Variants in FAM184A observed in about 807,000 individuals in gnomAD.
The protein encoded by FAM184A is family with sequence similarity 184 member A.
In FAM184A, 99 loss-of-function variants were observed where a neutral mutation model predicts 143.8. The ratio of observed to expected loss-of-function variants is 0.69; its 90% CI spans 0.58 to 0.81. The LOEUF (loss-of-function observed/expected upper bound fraction) is 0.81. FAM184A is among the 40% of genes least tolerant of loss of function. The probability of loss-of-function intolerance (pLI) is 0.00; values close to 1 mark genes in which losing one functional copy is unlikely to be tolerated. For synonymous variants in FAM184A, 427 were observed against 446.4 expected, an observed-to-expected ratio of 0.96 and a Z score of 0.55; for missense variants, 1,217 against 1,310.5, an observed-to-expected ratio of 0.93 and a Z score of 1.10.
upstream of FAM184A, among the ~76,000 whole-genome samples, chr6:119,081,020 G>A (rs1400122751): frequency 6.6e-6 from 1 of 152,098 alleles, no homozygotes; most frequent in East Asian, 1.9e-4. Context: ...AAGAGAGCGG[G>A]GAGGTGCTAC....
chr6:119,023,321 C>T (rs551283400), intron 2 of FAM184A, among the ~76,000 whole-genome samples: 1 of 152,200 alleles, frequency 6.6e-6, no homozygotes, highest in South Asian at 2.1e-4. Context: ...AAAAACATGG[C>T]TATGAAATTT....
rs924401742 is a variant in FAM184A at position 119,089,135 on chromosome 6, C to T, written c.-202+59943G>A. ...TGGGCTCAAGCAATCTTCCCACCCTCGGCCTCCCAAATAGCTAACACCTAT... is the reference window on the plus strand; with the variant it reads ...TGGGCTCAAGCAATCTTCCCACCCTTGGCCTCCCAAATAGCTAACACCTAT... On this transcript the variant is annotated intron_variant, in intron 1 of 16. Coordinates refer to the FAM184A transcript ENST00000352896. 1.3e-4 allele frequency among the ~76,000 whole-genome samples: 20 copies of T among 151,138 alleles called. No homozygotes were observed. The South Asian group carries it at 3.2e-3, about 24-fold the overall frequency.
intron 14 of FAM184A, among the ~76,000 whole-genome samples, chr6:118,973,061 G>C (rs1322416884): frequency 6.6e-6 from 1 of 152,096 alleles, no homozygotes; most frequent in African/African-American, 2.4e-5. Flanking sequence ...TTCAAAAAGT[G>C]GTAAATATGA....
intron 5 of FAM184A, 55 bp from the exon 6 acceptor site, chr6:119,011,486 G>C: frequency 9.2e-7 from 1 of 1,085,744 alleles, no homozygotes; most frequent in Non-Finnish European, 1.3e-6. Flanking sequence ...TATATACTTT[G>C]AAGACTCTAA....
chr6:119,133,182 A>G (rs1365368273), intron 1 of FAM184A, among the ~76,000 whole-genome samples: 1 of 152,186 alleles, frequency 6.6e-6, no homozygotes, highest in East Asian at 1.9e-4. Context: ...AGCTTGACAA[A>G]GTGTTTGGTG....
intron 1 of FAM184A, among the ~76,000 whole-genome samples, chr6:119,088,791 C>T (rs1452346327): frequency 6.6e-6 from 1 of 152,134 alleles, no homozygotes; most frequent in Admixed American, 6.5e-5. Context: ...CCAATGGAAT[C>T]AATAATCATA....
intron 1 of FAM184A, among the ~76,000 whole-genome samples, chr6:119,112,419 C>T (rs1259160682): frequency 1.6e-4 from 24 of 152,208 alleles, no homozygotes; most frequent in Admixed American, 1.4e-3. Flanking sequence ...AGAGCCACCA[C>T]GCCTAGCCTT....
intron 1 of FAM184A, among the ~76,000 whole-genome samples, chr6:119,147,427 A>G (rs759931914): frequency 9.9e-5 from 15 of 152,142 alleles, no homozygotes; most frequent in Non-Finnish European, 2.2e-4. Flanking sequence ...TGCTGACATA[A>G]GATGAGGGCT....
chr6:119,130,467 A>G (rs1224854034), intron 1 of FAM184A, among the ~76,000 whole-genome samples: 2 of 152,332 alleles, frequency 1.3e-5, no homozygotes, highest in East Asian at 3.9e-4. Flanking sequence ...TACAGGGAGA[A>G]GAGAGGCCAT....
chr6:119,088,438 C>T (rs1055628488), intron 1 of FAM184A, among the ~76,000 whole-genome samples: 5 of 152,018 alleles, frequency 3.3e-5, no homozygotes, highest in African/African-American at 4.8e-5. Flanking sequence ...CTAAAGAGGA[C>T]GTCTAAATAT....
Position 119,011,389 on chromosome 6 carries a change from C to G in FAM184A, c.1573G>C (p.Glu525Gln), listed in dbSNP as rs759888767. The G allele has an allele frequency of 6.3e-7, 1 of 1,576,138 alleles. No individual in the cohort carries two copies. The highest frequency in any genetic ancestry group is 8.6e-7 in the Non-Finnish European group (1 of 1,157,900). The change falls in exon 6 of 18, where the codon GAG (glutamate) becomes CAG (glutamine). Residue 525 changes from glutamate to glutamine, a missense_variant. Physicochemically the swap from Glu to Gln is conservative, Grantham distance 29. Transcript: ENST00000338891. Reference protein sequence around the residue: ...QHNKDKLNLEEDKNQLQQELE... With the variant: ...QHNKDKLNLEQDKNQLQQELE... ...TCTTGTTGAAGCTGATTTTTATCCT[C>G]TTCCAGGTTTAGTTTATCTTTGTTA...
chr6:119,016,110 T>C (rs534275224), intron 5 of FAM184A, among the ~76,000 whole-genome samples: 1 of 152,282 alleles, frequency 6.6e-6, no homozygotes, highest in East Asian at 1.9e-4. Flanking sequence ...TGAAACTCTG[T>C]AACTAACTAA....
At chr6:119,013,651 T>G (rs1785157168) in intron 5 of FAM184A, among the ~76,000 whole-genome samples, 1 of 152,204 alleles carries the variant, frequency 6.6e-6, no homozygotes, top group South Asian at 2.1e-4. Flanking sequence ...AGAAATAACA[T>G]GTCATTAATT....
intron 1 of FAM184A, among the ~76,000 whole-genome samples, chr6:119,121,408 A>T (rs1305048681): frequency 6.6e-6 from 1 of 152,212 alleles, no homozygotes; most frequent in Non-Finnish European, 1.5e-5. Flanking sequence ...AATTGTTGGG[A>T]TTATAGGCGT....
intron 1 of FAM184A, among the ~76,000 whole-genome samples, chr6:119,038,074 A>G (rs1031145181): frequency 3.3e-5 from 5 of 152,184 alleles, no homozygotes; most frequent in East Asian, 3.9e-4. Flanking sequence ...ACACAAGAGG[A>G]GCAGGTGGGG....
intron 1 of FAM184A, among the ~76,000 whole-genome samples, chr6:119,124,197 T>C: frequency 6.6e-6 from 1 of 152,224 alleles, no homozygotes; most frequent in East Asian, 1.9e-4. Context: ...ATCTTTTGTT[T>C]CATTTGGTTT....
At chr6:118,971,339 T>G (rs1562455815) in intron 14 of FAM184A, among the ~76,000 whole-genome samples, 1 of 152,226 alleles carries the variant, frequency 6.6e-6, no homozygotes, top group Non-Finnish European at 1.5e-5. Flanking sequence ...GTGCTTCTTT[T>G]CAATTGGGGA....
chr6:119,081,965 T>G (rs1788081611), upstream of FAM184A, among the ~76,000 whole-genome samples: 2 of 152,204 alleles, frequency 1.3e-5, no homozygotes, highest in East Asian at 3.9e-4. Context: ...CCTCTTGACA[T>G]CCGGCCACCT....
chr6:119,020,840 C>G (rs6931074), intron 3 of FAM184A, among the ~76,000 whole-genome samples: 56,385 of 151,892 alleles, frequency 0.37, 11,704 homozygotes, highest in East Asian at 0.68. Context: ...ATAGCGAGAC[C>G]TCATCTCCAA....
Sources: gnomAD v4.1 joint callset for allele counts (sites outside exome capture counted in the v4.1 genomes callset) on GRCh38, gnomAD v4.1.1 for gene constraint, MANE v1.5 for transcripts, NCBI Gene and HGNC (gene_info 2026-07-23, HGNC 2026-07-21) for gene names.